Variants in MYZAP observed in about 807,000 individuals in gnomAD.
MYZAP encodes myocardial zonula adherens protein, also known as GRINL1A complex locus upstream.
MYZAP carries 66 observed loss-of-function variants against 69.4 expected under a neutral mutation model. The ratio of observed to expected loss-of-function variants is 0.95; its 90% CI spans 0.78 to 1.17. The LOEUF is 1.17. MYZAP is among the 50% of genes most tolerant of loss of function. The pLI is 0.00. For missense variants in MYZAP, 611 were observed against 556.2 expected (o/e 1.10, Z -0.99); for synonymous variants, 256 against 205.9 (o/e 1.24, Z -2.09).
chr15:57,591,981 A>T lies in MYZAP; in HGVS notation c.-54A>T. 1 of 1,384,594 alleles carries T rather than the reference A, an allele frequency of 7.2e-7. No homozygotes were observed. The highest frequency in any genetic ancestry group is 9.3e-7 in the Non-Finnish European group (1 of 1,071,396). 85.8% of individuals were successfully genotyped at this position (1,384,594 alleles called of 1,614,324 possible). ...CGCGCAGGGCGGGCCCCGCACGCTT[A>T]TTCTGCCCGGGAGGAACGCCGGCGT... On this transcript the variant is annotated 5_prime_UTR_variant, in exon 1 of 13. Coordinates refer to ENST00000267853, the MANE Select transcript of MYZAP (RefSeq NM_001018100.5).
intron 11 of MYZAP, among the ~76,000 whole-genome samples, chr15:57,663,785 T>C (rs1215609870): frequency 6.6e-6 from 1 of 152,150 alleles, no homozygotes; most frequent in Non-Finnish European, 1.5e-5. Context: ...CAGTGTCAGC[T>C]ATGTCTATCT....
intron 1 of MYZAP, 101 bp downstream of exon 1, chr15:57,592,210 G>C (rs925090242): frequency 1.9e-6 from 2 of 1,044,360 alleles, no homozygotes; most frequent in Non-Finnish European, 2.5e-6. Flanking sequence ...CCAGCACCTG[G>C]CCCCGACGCC....
At chr15:57,646,350 G>A in intron 10 of MYZAP, 1 of 1,184,308 alleles carries the variant, frequency 8.4e-7, no homozygotes, top group Non-Finnish European at 1.1e-6. Flanking sequence ...TTGACCATGT[G>A]GGGCTCTTGT....
At chr15:57,680,491 A>G (rs1199244270) in intron 12 of MYZAP, among the ~76,000 whole-genome samples, 1 of 147,214 alleles carries the variant, frequency 6.8e-6, no homozygotes, top group Non-Finnish European at 1.5e-5. Flanking sequence ...GAGTTCACAC[A>G]CACACACACA....
chr15:57,613,053 T>C (rs1352236825), intron 2 of MYZAP, among the ~76,000 whole-genome samples: 1 of 152,104 alleles, frequency 6.6e-6, no homozygotes, highest in Non-Finnish European at 1.5e-5. Context: ...TGCCTCAGCC[T>C]CCCAAGTAGC....
chr15:57,606,177 C>A (rs2034735471), intron 2 of MYZAP, among the ~76,000 whole-genome samples: 1 of 152,140 alleles, frequency 6.6e-6, no homozygotes, highest in Non-Finnish European at 1.5e-5. Flanking sequence ...GGGACAGTAC[C>A]TTCACAGTGG....
intron 10 of MYZAP, chr15:57,646,712 C>CT: frequency 3.0e-6 from 3 of 986,778 alleles, no homozygotes; most frequent in Non-Finnish European, 3.6e-6. Context: ...GGAGGTGGCC[C>CT]TGAAGGTGTC....
At chr15:57,616,852 A>G (rs1261436125) in intron 2 of MYZAP, among the ~76,000 whole-genome samples, 1 of 56,816 alleles carries the variant, frequency 1.8e-5, no homozygotes, top group Non-Finnish European at 3.1e-5. Context: ...TTTTTTGTGA[A>G]TACATGGCAA....
Position 57,604,307 on chromosome 15 carries a change from G to A in MYZAP, c.114G>A (p.Glu38=), listed in dbSNP as rs1490181152. The A allele has an allele frequency of 1.9e-6, 3 of 1,614,086 alleles. No homozygotes were observed. The highest frequency in any genetic ancestry group is 2.7e-5 in the African/African-American group (2 of 74,938). ...GACTACGGCTGACCGTACCTCCTGA[G>A]AGTCCAGTTCCTGAGCAATGTGAAA... ...VCRLRLTVPP[E]SPVPEQCEKK... The change falls in exon 2 of 13, where the codon GAG becomes GAA. Residue 38 remains glutamate, a synonymous_variant. Transcript: ENST00000267853.
intron 10 of MYZAP, chr15:57,648,179 C>T (rs1567226893): frequency 2.0e-6 from 2 of 985,176 alleles, no homozygotes; most frequent in East Asian, 1.1e-4. Flanking sequence ...GGTATCAGCA[C>T]AATTGTGGCA....
chr15:57,661,523 T>C lies in MYZAP; in HGVS notation c.1193T>C (p.Leu398Ser). 3 of 1,609,948 alleles carry C rather than the reference T, an allele frequency of 1.9e-6. No individual in the cohort carries two copies. Among genetic ancestry groups the C allele is most frequent in the Non-Finnish European group, 2.5e-6 (3 of 1,178,642 alleles). Residue 398 changes from leucine to serine, a missense_variant, in exon 11 of 13, where the codon TTA becomes TCA. Leu to Ser is a moderately radical substitution (Grantham distance 145). Coordinates refer to ENST00000267853, the MANE Select transcript of MYZAP (RefSeq NM_001018100.5). ...CAGCTTTTAGAAAAGATATCTTTCTTAGAAGGAGAGGTAAGGATCTCTGTT... is the reference window on the plus strand; with the variant it reads ...CAGCTTTTAGAAAAGATATCTTTCTCAGAAGGAGAGGTAAGGATCTCTGTT... The part of the protein sequence containing the change: ...ILQLLEKISF[L>S]EGENNELQSR...
rs562047140 is a variant in MYZAP, at chr15:57,683,561, C to CT, written c.1305-835dup. On this transcript the variant is annotated intron_variant, in intron 12 of 12. Transcript: ENST00000267853. Reference sequence around the variant, plus strand: ...AACCTTTACAGGTTGTTAAAAATAACTTTTTTATTTTTAACCTGTCGTAGT... The same window carrying CT: ...AACCTTTACAGGTTGTTAAAAATAACTTTTTTTATTTTTAACCTGTCGTAGT... 7.5e-3 allele frequency among the ~76,000 whole-genome samples: 1,143 copies of CT among 152,212 alleles called. 10 individuals carry two copies. Among genetic ancestry groups the CT allele is most frequent in the South Asian group, 0.049 (237 of 4,822 alleles).
At chr15:57,619,411 G>C (rs1038661951) in intron 3 of MYZAP, among the ~76,000 whole-genome samples, 1 of 152,138 alleles carries the variant, frequency 6.6e-6, no homozygotes, top group Non-Finnish European at 1.5e-5. Flanking sequence ...GGAGTGCAGT[G>C]GCACAATCAC....
rs1326802144 is a variant in MYZAP at position 57,619,349 on chromosome 15, ATTTAT to A, written c.318+1168_318+1172del. Reference sequence around the variant, plus strand: ...CCACCTTTCAAACATAATTTTAAAAATTTATTTTATTGTATATTTTCGAGACAGCG... The same window carrying A: ...CCACCTTTCAAACATAATTTTAAAAATTTATTGTATATTTTCGAGACAGCG... On this transcript the variant is annotated intron_variant, in intron 3 of 12. Coordinates refer to ENST00000267853, the MANE Select transcript of MYZAP (RefSeq NM_001018100.5). Among the ~76,000 whole-genome samples, 15 of 152,256 alleles carry A rather than the reference ATTTAT, an allele frequency of 9.9e-5. No individual in the cohort carries two copies. The East Asian group carries it at 2.9e-3, about 29-fold the overall frequency.
chr15:57,658,371 AT>A (rs1221597124), intron 10 of MYZAP, among the ~76,000 whole-genome samples: 1 of 152,184 alleles, frequency 6.6e-6, no homozygotes, highest in Non-Finnish European at 1.5e-5. Context: ...ATTAATGATA[AT>A]TCCTTGCTAT....
chr15:57,680,726 A>G (rs1333398308), intron 12 of MYZAP: 3 of 152,204 alleles, frequency 2.0e-5, no homozygotes, highest in African/African-American at 7.2e-5. Flanking sequence ...GTTTTCATCA[A>G]TTATGTCTTA....
At chr15:57,659,433 A>G (rs1401751560) in intron 10 of MYZAP, among the ~76,000 whole-genome samples, 1 of 152,142 alleles carries the variant, frequency 6.6e-6, no homozygotes, top group Non-Finnish European at 1.5e-5. Flanking sequence ...TCATACTGAT[A>G]TTGTCATTTT....
intron 2 of MYZAP, 94 bp from the exon 3 acceptor site, chr15:57,617,939 A>G: frequency 6.9e-7 from 1 of 1,459,484 alleles, no homozygotes. Context: ...GCTGGGCACA[A>G]TTTGCATAAT....
intron 2 of MYZAP, among the ~76,000 whole-genome samples, chr15:57,611,795 C>G (rs2035122259): frequency 6.6e-6 from 1 of 152,000 alleles, no homozygotes; most frequent in Non-Finnish European, 1.5e-5. Context: ...GTGGCTATTC[C>G]CAGGTGCAAT....
Sources: allele counts gnomAD v4.1 joint callset (sites outside exome capture counted in the v4.1 genomes callset), GRCh38; gene constraint gnomAD v4.1.1; transcripts MANE v1.5; gene names NCBI Gene and HGNC (gene_info 2026-07-23, HGNC 2026-07-21).